TRAPPC9: variants seen among roughly 807,000 people sequenced by gnomAD.
TRAPPC9 encodes the protein IKK2 binding protein.
Under a neutral mutation model 124.0 loss-of-function variants are expected in TRAPPC9, and 83 were observed. That is an observed-to-expected ratio of 0.67 (90% confidence interval 0.56 to 0.80). The LOEUF (loss-of-function observed/expected upper bound fraction) is 0.80. TRAPPC9 is among the 30% of genes least tolerant of loss of function. The pLI, the probability that TRAPPC9 is intolerant of heterozygous loss-of-function variation, is 0.00. For missense variants in TRAPPC9, 1,302 were observed against 1,508.3 expected (o/e 0.86, Z 2.27); for synonymous variants, 638 against 617.5 (o/e 1.03, Z -0.49).
chr8:139,886,041 C>CAG, intron 20 of TRAPPC9, 72 bp from the exon 21 acceptor site: 2 of 1,403,014 alleles, frequency 1.4e-6, no homozygotes, highest in South Asian at 2.5e-5. Context: ...AGTCTCTAGA[C>CAG]AGAGACCCTC....
At chr8:140,179,163 C>A (rs1001861510) in intron 17 of TRAPPC9, among the ~76,000 whole-genome samples, 5 of 152,136 alleles carry the variant, frequency 3.3e-5, no homozygotes, top group African/African-American at 9.7e-5. Context: ...TGAGACAGAA[C>A]ATAGCTCATG....
At chr8:140,048,591 A>G (rs1211506468) in intron 17 of TRAPPC9, among the ~76,000 whole-genome samples, 1 of 152,182 alleles carries the variant, frequency 6.6e-6, no homozygotes. Flanking sequence ...CAGGAGCTAT[A>G]GCTTGGGTGC....
chr8:139,871,120 T>C (rs768713022), intron 21 of TRAPPC9, among the ~76,000 whole-genome samples: 2 of 152,226 alleles, frequency 1.3e-5, no homozygotes, highest in Non-Finnish European at 2.9e-5. Flanking sequence ...TGAATTTAAA[T>C]GCCAGCAAAG....
At chr8:140,139,561 T>C (rs1391296723) in intron 17 of TRAPPC9, among the ~76,000 whole-genome samples, 1 of 152,172 alleles carries the variant, frequency 6.6e-6, no homozygotes, top group Admixed American at 6.5e-5. Context: ...ATGAATCCAC[T>C]GTGGTGTATT....
At chr8:140,408,970 C>T (rs553284821) in intron 5 of TRAPPC9, among the ~76,000 whole-genome samples, 30 of 152,170 alleles carry the variant, frequency 2.0e-4, no homozygotes, top group African/African-American at 6.3e-4. Context: ...CAAACCTAAA[C>T]GCAATAAAAG....
intron 15 of TRAPPC9, among the ~76,000 whole-genome samples, chr8:140,269,736 T>C (rs2064818303): frequency 6.6e-6 from 1 of 152,106 alleles, no homozygotes; most frequent in Non-Finnish European, 1.5e-5. Context: ...AGTATTCTTA[T>C]AATAAAAGTT....
At chr8:139,761,141 C>T (rs1365049984) in intron 21 of TRAPPC9, among the ~76,000 whole-genome samples, 1 of 152,218 alleles carries the variant, frequency 6.6e-6, no homozygotes, top group East Asian at 1.9e-4. Context: ...TGTCTACTTA[C>T]TTCACAGGGA....
In TRAPPC9 at chr8:140,252,878, T is replaced by C. The variant is rs1009435687; in HGVS notation, c.2330A>G (p.Gln777Arg). Residue 777 changes from glutamine to arginine, a missense_variant, in exon 16 of 23, where the codon CAG (glutamine) becomes CGG (arginine). Transcript: ENST00000438773. The surrounding 1 kb of genome is among the most constrained non-coding windows in gnomAD (Gnocchi z 4.2). ...LSWKLEETLA[Q>R]FPLQPGKVAT... ...CACCTTCCCAGGCTGCAAAGGGAACTGGGCAAGGGTTTCCTCTAGCTTCCA... is the reference window on the plus strand; with the variant it reads ...CACCTTCCCAGGCTGCAAAGGGAACCGGGCAAGGGTTTCCTCTAGCTTCCA... The C allele has an allele frequency of 3.7e-6, 6 of 1,614,040 alleles. No homozygotes were observed. The highest frequency in any genetic ancestry group is 4.5e-5 in the East Asian group (2 of 44,894).
At chr8:139,753,560 A>G (rs1819505730) in intron 21 of TRAPPC9, among the ~76,000 whole-genome samples, 1 of 152,174 alleles carries the variant, frequency 6.6e-6, no homozygotes. Context: ...ATGCTCATCT[A>G]TCCTTCAAGG....
At chr8:139,943,667 G>A (rs1834041564) in intron 19 of TRAPPC9, among the ~76,000 whole-genome samples, 2 of 152,054 alleles carry the variant, frequency 1.3e-5, no homozygotes, top group Admixed American at 6.6e-5. Context: ...AAAATACTGT[G>A]GCAATTCAGG....
chr8:140,389,380 A>G (rs979415994), intron 7 of TRAPPC9, among the ~76,000 whole-genome samples: 1 of 152,198 alleles, frequency 6.6e-6, no homozygotes, highest in Non-Finnish European at 1.5e-5. Flanking sequence ...AAACAATAAA[A>G]GCAATCCCTC....
intron 21 of TRAPPC9, among the ~76,000 whole-genome samples, chr8:139,824,207 C>T (rs1406463570): frequency 1.3e-5 from 2 of 152,158 alleles, no homozygotes; most frequent in Non-Finnish European, 2.9e-5. Context: ...TGGAACTAGC[C>T]CTGAGCGGTG....
chr8:139,759,107 C>T (rs1820051309), intron 21 of TRAPPC9, among the ~76,000 whole-genome samples: 1 of 152,180 alleles, frequency 6.6e-6, no homozygotes, highest in African/African-American at 2.4e-5. Flanking sequence ...ACCCACAGCC[C>T]TCTGAGTTAG....
chr8:140,112,400 G>C (rs1000262434), intron 17 of TRAPPC9, among the ~76,000 whole-genome samples: 29 of 151,518 alleles, frequency 1.9e-4, no homozygotes, highest in African/African-American at 7.0e-4. Context: ...GGTGTGAGGA[G>C]AGTAATGGAG....
At chr8:140,370,490 T>A (rs1165301686) in intron 8 of TRAPPC9, among the ~76,000 whole-genome samples, 3 of 152,212 alleles carry the variant, frequency 2.0e-5, no homozygotes, top group African/African-American at 4.8e-5. Context: ...ATACTGGGCA[T>A]TATCCTTGTA....
intron 2 of TRAPPC9, among the ~76,000 whole-genome samples, chr8:140,443,446 AAAG>A (rs2071120529): frequency 6.6e-6 from 1 of 152,034 alleles, no homozygotes; most frequent in East Asian, 1.9e-4. Context: ...AAAAAAAAAA[AAAG>A]AAGTCTTTGT....
At chr8:139,791,894 G>A (rs1009948941) in intron 21 of TRAPPC9, among the ~76,000 whole-genome samples, 4 of 152,272 alleles carry the variant, frequency 2.6e-5, no homozygotes, top group Non-Finnish European at 4.4e-5. Context: ...CCTCTGCAGC[G>A]CGCGTGGGGT....
At chr8:139,981,571 A>G (rs566359795) in intron 19 of TRAPPC9, among the ~76,000 whole-genome samples, 65 of 152,356 alleles carry the variant, frequency 4.3e-4, no homozygotes, top group Non-Finnish European at 8.7e-4. Context: ...ATGATTCACA[A>G]GGTTCTTTGG....
At chr8:139,771,928 C>T (rs1820993141) in intron 21 of TRAPPC9, among the ~76,000 whole-genome samples, 1 of 152,218 alleles carries the variant, frequency 6.6e-6, no homozygotes, top group Non-Finnish European at 1.5e-5. Flanking sequence ...GGAGAAGTCT[C>T]CGCCCAGCAT....
Sources: allele counts gnomAD v4.1 joint callset (sites outside exome capture counted in the v4.1 genomes callset), GRCh38; gene constraint gnomAD v4.1.1; non-coding constraint Gnocchi (gnomAD v3.1); transcripts MANE v1.5; gene names NCBI Gene and HGNC (gene_info 2026-07-23, HGNC 2026-07-21).